Variants in DNER observed in about 807,000 individuals in gnomAD.
DNER encodes delta/notch like EGF repeat containing.
In DNER, 33 loss-of-function variants were observed where a neutral mutation model predicts 78.2. The observed-to-expected ratio is 0.42, with a 90% CI of 0.32 to 0.56. The LOEUF (loss-of-function observed/expected upper bound fraction) is 0.56. Among genes scored for constraint, DNER ranks in the 20% least tolerant of loss-of-function variants. The pLI is 0.11. For synonymous variants in DNER, 417 were observed against 384.8 expected, an observed-to-expected ratio of 1.08 and a Z score of -0.98; for missense variants, 918 against 975.3, an observed-to-expected ratio of 0.94 and a Z score of 0.78.
intron 1 of DNER, among the ~76,000 whole-genome samples, chr2:229,658,474 A>G (rs944517560): frequency 6.6e-6 from 1 of 152,208 alleles, no homozygotes; most frequent in African/African-American, 2.4e-5. Flanking sequence ...CTCTGGCAAT[A>G]TTTTGTTTGA....
At chr2:229,616,883 C>T (rs1162192075) in intron 1 of DNER, among the ~76,000 whole-genome samples, 1 of 152,270 alleles carries the variant, frequency 6.6e-6, no homozygotes, top group Non-Finnish European at 1.5e-5. Context: ...TGGACTGAGG[C>T]CTTTGGCATG....
chr2:229,686,421 A>G (rs1699483293), intron 1 of DNER, among the ~76,000 whole-genome samples: 1 of 152,200 alleles, frequency 6.6e-6, no homozygotes, highest in South Asian at 2.1e-4. Flanking sequence ...GGAATGGTCC[A>G]GGAAAGACAC....
chr2:229,380,080 T>C (rs1692701066), intron 11 of DNER, among the ~76,000 whole-genome samples: 1 of 152,082 alleles, frequency 6.6e-6, no homozygotes, highest in Non-Finnish European at 1.5e-5. Context: ...AGAAGCTAAA[T>C]CATATCCTCA....
At chr2:229,450,617 C>T (rs1694435966) in intron 7 of DNER, among the ~76,000 whole-genome samples, 1 of 151,984 alleles carries the variant, frequency 6.6e-6, no homozygotes, top group Admixed American at 6.5e-5. Context: ...TAGGTTGAGC[C>T]CTAATGCAAT....
chr2:229,586,552 A>AAAAAAAAC (rs1559174498), intron 3 of DNER: 1 of 99,098 alleles, frequency 1.0e-5, no homozygotes, highest in African/African-American at 8.7e-5. Context: ...AAAAAAAAAC[A>AAAAAAAAC]CACAAAACCA....
At chr2:229,446,257 G>T (rs1183293893) in intron 8 of DNER, among the ~76,000 whole-genome samples, 1 of 152,212 alleles carries the variant, frequency 6.6e-6, no homozygotes, top group Non-Finnish European at 1.5e-5. Flanking sequence ...GATTGCTGCT[G>T]ATACAAAAGC....
intron 1 of DNER, among the ~76,000 whole-genome samples, chr2:229,685,124 G>A (rs1327744838): frequency 6.6e-6 from 1 of 152,148 alleles, no homozygotes; most frequent in East Asian, 1.9e-4. Context: ...AACAAGTTTA[G>A]AGGACTCTGA....
At chr2:229,594,491 G>T (rs1288062529) in intron 1 of DNER, among the ~76,000 whole-genome samples, 2 of 152,232 alleles carry the variant, frequency 1.3e-5, no homozygotes, top group East Asian at 3.9e-4. Flanking sequence ...AGAGGCTAAG[G>T]CGGGAGAATC....
chr2:229,699,619 C>T (rs997245005), intron 1 of DNER, among the ~76,000 whole-genome samples: 1 of 152,212 alleles, frequency 6.6e-6, no homozygotes, highest in Non-Finnish European at 1.5e-5. Context: ...CCCACCCCAC[C>T]TTCCCAAAGT....
At chr2:229,551,801 G>T (rs1234218500) in intron 4 of DNER, among the ~76,000 whole-genome samples, 1 of 151,944 alleles carries the variant, frequency 6.6e-6, no homozygotes, top group African/African-American at 2.4e-5. Context: ...GCATGGTGGT[G>T]GGTGCCTGTA....
At chr2:229,430,003 T>C (rs1176437905) in intron 8 of DNER, among the ~76,000 whole-genome samples, 1 of 152,180 alleles carries the variant, frequency 6.6e-6, no homozygotes, top group Non-Finnish European at 1.5e-5. Context: ...TTGAGGAATA[T>C]AGAAGATGCT....
chr2:229,545,297 A>C (rs1696602934), intron 5 of DNER, among the ~76,000 whole-genome samples: 1 of 152,156 alleles, frequency 6.6e-6, no homozygotes, highest in South Asian at 2.1e-4. Flanking sequence ...GCTCTAGGCC[A>C]GGTGCAGTGG....
chr2:229,562,656 G>A (rs565989568), intron 4 of DNER, among the ~76,000 whole-genome samples: 1 of 152,062 alleles, frequency 6.6e-6, no homozygotes, highest in South Asian at 2.1e-4. Flanking sequence ...ATTACACCAG[G>A]CTCTGCCACC....
intron 7 of DNER, among the ~76,000 whole-genome samples, chr2:229,474,595 C>T (rs367981789): frequency 6.6e-6 from 1 of 152,154 alleles, no homozygotes; most frequent in Non-Finnish European, 1.5e-5. Flanking sequence ...ACCTAAAGGC[C>T]AATGTCTCTG....
At chr2:229,508,412 C>A (rs1025823182) in intron 6 of DNER, among the ~76,000 whole-genome samples, 1 of 152,056 alleles carries the variant, frequency 6.6e-6, no homozygotes, top group Non-Finnish European at 1.5e-5. Flanking sequence ...ATATGGCAGT[C>A]AAGAACTCCA....
At chr2:229,568,333 G>C (rs78845626) in intron 4 of DNER, among the ~76,000 whole-genome samples, 2 of 152,086 alleles carry the variant, frequency 1.3e-5, no homozygotes, top group Admixed American at 6.6e-5. Flanking sequence ...CTACTGGTGC[G>C]TGCCATTGTG....
chr2:229,558,896 G>A (rs1490719036), intron 4 of DNER, among the ~76,000 whole-genome samples: 2 of 152,276 alleles, frequency 1.3e-5, no homozygotes, highest in Middle Eastern at 3.4e-3. Flanking sequence ...GATCACAACC[G>A]GTCTCATGAA....
rs141269091 is a variant in DNER at position 229,388,299 on chromosome 2, G to T, written c.1821C>A (p.Cys607Ter). The part of the protein sequence containing the change: ...LDQPNGYNCH[C>*]PHGWVGANCE... Reference sequence around the variant, plus strand: ...AGTTTGCTCCCACCCAACCATGCGGGCAGTGGCAGTTATAACCATTGGGCT... The same window carrying T: ...AGTTTGCTCCCACCCAACCATGCGGTCAGTGGCAGTTATAACCATTGGGCT... Residue 607 changes from cysteine to a stop codon, truncating the protein, a stop_gained, in exon 11 of 13, where the codon TGC becomes TGA. Transcript: ENST00000341772. LOFTEE classifies it high-confidence loss of function. 6.2e-7 allele frequency: 1 copy of T among 1,611,010 alleles called. No homozygotes were observed. Among genetic ancestry groups the T allele is most frequent in the South Asian group, 1.1e-5 (1 of 90,674 alleles).
intron 11 of DNER, among the ~76,000 whole-genome samples, chr2:229,383,079 C>T (rs1436767483): frequency 6.6e-6 from 1 of 152,176 alleles, no homozygotes; most frequent in Non-Finnish European, 1.5e-5. Flanking sequence ...AGAAACCCTA[C>T]AAGCCAGAAG....
Sources: gnomAD v4.1 joint callset for allele counts (sites outside exome capture counted in the v4.1 genomes callset) on GRCh38, gnomAD v4.1.1 for gene constraint, MANE v1.5 for transcripts, NCBI Gene and HGNC (gene_info 2026-07-23, HGNC 2026-07-21) for gene names.